TYR: variants seen among roughly 807,000 people sequenced by gnomAD.
TYR encodes the protein LB24-AB.
In TYR, 58 loss-of-function variants were observed where a neutral mutation model predicts 51.5. The observed-to-expected ratio is 1.13, with a 90% CI of 0.91 to 1.40. The LOEUF (loss-of-function observed/expected upper bound fraction) is 1.40. Among genes scored for constraint, TYR ranks in the 40% most tolerant of loss-of-function variants. The pLI is 0.00. For missense variants in TYR, 732 were observed against 647.4 expected (o/e 1.13, Z -1.42); for synonymous variants, 263 against 235.2 (o/e 1.12, Z -1.08).
chr11:89,212,515 G>A (rs1943772962), intron 2 of TYR, among the ~76,000 whole-genome samples: 1 of 152,106 alleles, frequency 6.6e-6, no homozygotes, highest in East Asian at 1.9e-4. Context: ...GGTACAAAGA[G>A]GAGCTGGTAC....
chr11:89,254,608 C>T (rs1244318687), intron 3 of TYR, among the ~76,000 whole-genome samples: 2 of 151,748 alleles, frequency 1.3e-5, no homozygotes, highest in Non-Finnish European at 2.9e-5. Context: ...AATTTATGTG[C>T]ATAAAGATGC....
rs76959201 is a variant in TYR at position 89,204,916 on chromosome 11, G to A, written c.1036+13498G>A. Among the ~76,000 whole-genome samples, 1,062 of 151,830 alleles carry A rather than the reference G, an allele frequency of 7.0e-3. 8 individuals carry two copies. Among genetic ancestry groups the A allele is most frequent in the Non-Finnish European group, 9.9e-3 (670 of 67,962 alleles). On this transcript the variant is annotated intron_variant, in intron 2 of 4. Transcript: ENST00000263321. ...ATAGGTTGAAGCAAAAGTAATTGTG[G>A]TTTTTGCCATTGAACAGAATGGTGA...
intron 3 of TYR, among the ~76,000 whole-genome samples, chr11:89,262,847 C>CAAAAAAAAAAAAAAAAA (rs771958187): frequency 2.1e-4 from 4 of 19,294 alleles, no homozygotes; most frequent in African/African-American, 3.0e-4. Context: ...GCTACTCATC[C>CAAAAAAAAAAAAAAAAA]AAAAAAAAAA....
At chr11:89,240,936 A>G (rs1944185114) in intron 3 of TYR, among the ~76,000 whole-genome samples, 1 of 152,210 alleles carries the variant, frequency 6.6e-6, no homozygotes, top group South Asian at 2.1e-4. Context: ...TGTAAAAACA[A>G]ACAAACAAAA....
At chr11:89,196,428 G>A (rs1943519834) in intron 2 of TYR, among the ~76,000 whole-genome samples, 2 of 152,124 alleles carry the variant, frequency 1.3e-5, no homozygotes, top group Non-Finnish European at 2.9e-5. Context: ...AGGGAAAAAG[G>A]AGACAGGAAC....
At chr11:89,221,968 T>C (rs1490561160) in intron 2 of TYR, among the ~76,000 whole-genome samples, 1 of 152,220 alleles carries the variant, frequency 6.6e-6, no homozygotes, top group Non-Finnish European at 1.5e-5. Context: ...TACGGAATTA[T>C]ATGAGATGAT....
chr11:89,192,966 C>T (rs1156648165), intron 2 of TYR, among the ~76,000 whole-genome samples: 1 of 152,114 alleles, frequency 6.6e-6, no homozygotes, highest in Non-Finnish European at 1.5e-5. Flanking sequence ...CCATTGCACT[C>T]TGATAATCAA....
At chr11:89,208,457 T>A (rs1288513786) in intron 2 of TYR, among the ~76,000 whole-genome samples, 1 of 152,152 alleles carries the variant, frequency 6.6e-6, no homozygotes, top group South Asian at 2.1e-4. Flanking sequence ...ATGTGTAACA[T>A]CATCCAAGAT....
chr11:89,271,609 G>C (rs1944589517), intron 3 of TYR, among the ~76,000 whole-genome samples: 1 of 151,860 alleles, frequency 6.6e-6, no homozygotes, highest in Non-Finnish European at 1.5e-5. Context: ...CTGAAGTTTG[G>C]AGTGGATGCA....
At chr11:89,237,808 C>A (rs1434574411) in intron 3 of TYR, among the ~76,000 whole-genome samples, 3 of 151,664 alleles carry the variant, frequency 2.0e-5, no homozygotes, top group East Asian at 3.9e-4. Context: ...TTCTTTCTTC[C>A]AAATTTTGTA....
At chr11:89,204,682 G>A (rs900539891) in intron 2 of TYR, among the ~76,000 whole-genome samples, 32 of 152,220 alleles carry the variant, frequency 2.1e-4, no homozygotes, top group African/African-American at 7.7e-4. Context: ...ACAGGTGTGA[G>A]CCACTGCGCC....
chr11:89,194,910 C>T (rs1943494854), intron 2 of TYR, among the ~76,000 whole-genome samples: 1 of 152,120 alleles, frequency 6.6e-6, no homozygotes, highest in Non-Finnish European at 1.5e-5. Flanking sequence ...ATGCTCCAGG[C>T]CTGAAATTAG....
At chr11:89,203,155 T>A (rs950889852) in intron 2 of TYR, among the ~76,000 whole-genome samples, 15 of 152,200 alleles carry the variant, frequency 9.9e-5, no homozygotes, top group African/African-American at 3.6e-4. Flanking sequence ...CATTTTCAAA[T>A]AAATCACTTG....
At chr11:89,214,368 A>C (rs1372887900) in intron 2 of TYR, among the ~76,000 whole-genome samples, 1 of 152,210 alleles carries the variant, frequency 6.6e-6, no homozygotes, top group Non-Finnish European at 1.5e-5. Context: ...CGATCATTAA[A>C]AGGTCAGGAA....
chr11:89,234,123 C>CTGCAGCTTTCCATTGCACTTGT lies in TYR; in HGVS notation c.1184+6157_1184+6178dup, dbSNP rs1944083060. Reference sequence around the variant, plus strand: ...ATATCTAAATCTTCTGGATAACTTGCTGCAGCTTTCCATTGCACTTGTTGC... The same window carrying CTGCAGCTTTCCATTGCACTTGT: ...ATATCTAAATCTTCTGGATAACTTGCTGCAGCTTTCCATTGCACTTGTTGCAGCTTTCCATTGCACTTGTTGC... On this transcript the variant is annotated intron_variant, in intron 3 of 4. Transcript: ENST00000263321. 1.4e-5 allele frequency among the ~76,000 whole-genome samples: 2 copies of CTGCAGCTTTCCATTGCACTTGT among 143,816 alleles called. 1 individual carries two copies. The highest frequency in any genetic ancestry group is 3.0e-5 in the Non-Finnish European group (2 of 66,792). The allele number at this position is 143,816 out of a possible 152,430, so 94.3% of individuals were successfully genotyped here.
chr11:89,243,913 C>T (rs184702745), intron 3 of TYR, among the ~76,000 whole-genome samples: 22 of 151,962 alleles, frequency 1.4e-4, no homozygotes, highest in African/African-American at 5.3e-4. Flanking sequence ...TAAAAATATT[C>T]CATTTCAAAA....
intron 2 of TYR, among the ~76,000 whole-genome samples, chr11:89,193,764 T>C (rs1943479673): frequency 6.6e-6 from 1 of 152,124 alleles, no homozygotes; most frequent in African/African-American, 2.4e-5. Context: ...TTTCTTAAAT[T>C]TGTATTCAGC....
intron 2 of TYR, chr11:89,192,002 T>TA: frequency 2.2e-6 from 1 of 452,208 alleles, no homozygotes; most frequent in Admixed American, 2.4e-5. Context: ...TTCTCCTGTT[T>TA]AAAATATTCT....
chr11:89,269,672 T>C (rs1039259338), intron 3 of TYR, among the ~76,000 whole-genome samples: 2 of 151,946 alleles, frequency 1.3e-5, no homozygotes, highest in African/African-American at 4.8e-5. Context: ...ACTATATACT[T>C]AAAATTGTAG....
Sources: gnomAD v4.1 joint callset for allele counts (sites outside exome capture counted in the v4.1 genomes callset) on GRCh38, gnomAD v4.1.1 for gene constraint, MANE v1.5 for transcripts, NCBI Gene and HGNC (gene_info 2026-07-23, HGNC 2026-07-21) for gene names.